LTC4S: variants seen among roughly 807,000 people sequenced by gnomAD.
The protein encoded by LTC4S is leukotriene C4 synthase, also known as LTC4 synthase.
In LTC4S, 18 loss-of-function variants were observed where a neutral mutation model predicts 19.6. That is an observed-to-expected ratio of 0.92 (90% CI 0.64 to 1.36). LTC4S has a LOEUF of 1.36. Ranked by LOEUF, LTC4S falls within the 40% of genes most tolerant of loss-of-function variation. The pLI, the probability that LTC4S is intolerant of heterozygous loss-of-function variation, is 0.00. For missense variants in LTC4S, 235 were observed against 212.2 expected (o/e 1.11, Z -0.67); for synonymous variants, 126 against 110.1 (o/e 1.14, Z -0.91).
Position 179,794,192 on chromosome 5 carries a change from C to T in LTC4S, c.58+54C>T, listed in dbSNP as rs1756542091. ...TGGGCCTTAGATCCCTACAGCTTGC[C>T]CTCTGCCCCCTAGGCCCAGGTGGAG... On this transcript the variant is annotated intron_variant, in intron 1 of 4. Coordinates refer to ENST00000292596, the MANE Select transcript of LTC4S (RefSeq NM_145867.2). 1.2e-6 allele frequency: 2 copies of T among 1,607,522 alleles called. 1 individual carries two copies. The highest frequency in any genetic ancestry group is 2.7e-5 in the African/African-American group (2 of 74,768).
rs765145315 is a variant in LTC4S, at chr5:179,795,887, G to A, written c.229+31G>A. On this transcript the variant is annotated intron_variant, in intron 3 of 4. Coordinates refer to ENST00000292596, the MANE Select transcript of LTC4S (RefSeq NM_145867.2). ...GGTGTGGGGCAGGGGCGCACGCGCT[G>A]GACCCCCGGGACCCGCGCAGGGCGC... The A allele has an allele frequency of 1.6e-5, 25 of 1,595,488 alleles. No homozygotes were observed. The South Asian group carries it at 2.2e-4, about 14-fold the overall frequency.
At position 179,795,974 on chromosome 5, in the gene LTC4S, TCGCGCGCCTCCGCTACTTCCAGGGCTA is replaced by T. The variant is rs1756603982; in HGVS notation, c.271_297del (p.Leu91_Arg99del). The T allele has an allele frequency of 1.3e-6, 2 of 1,543,464 alleles. No individual in the cohort carries two copies. The highest frequency in any genetic ancestry group is 1.9e-5 in the Admixed American group (1 of 52,504). ...GCCCTGTGCGGCCTGGTCTACCTGT[TCGCGCGCCTCCGCTACTTCCAGGGCTA>T]CGCGCGCTCCGCGCAGCTCAGGTGA... is the stretch of plus-strand genomic sequence containing the variant. On this transcript the variant is annotated inframe_deletion, in exon 4 of 5. Transcript: ENST00000292596.
Position 179,795,582 on chromosome 5 carries a change from AGCCTACTTCTCCCT to A in LTC4S, c.60_73del (p.Tyr21GlyfsTer51), listed in dbSNP as rs1289011391. On this transcript the variant is annotated splice_acceptor_variant and coding_sequence_variant, in exon 2 of 5. Coordinates refer to ENST00000292596, the MANE Select transcript of LTC4S (RefSeq NM_145867.2). LOFTEE classifies it high-confidence loss of function. ...TGACTCCCGCTCCCCCTCCTCCCCC[AGCCTACTTCTCCCT>A]GCAGGTGATCTCGGCGCGCAGGGCC... The A allele has an allele frequency of 6.2e-7, 1 of 1,607,896 alleles. No homozygotes were observed. Among genetic ancestry groups the A allele is most frequent in the African/African-American group, 1.3e-5 (1 of 74,682 alleles).
At chr5:179,795,894 C>T (rs754523169) in intron 3 of LTC4S, 38 bp downstream of exon 3, 1 of 1,594,134 alleles carries the variant, frequency 6.3e-7, no homozygotes, top group Non-Finnish European at 8.5e-7. Flanking sequence ...GCTGGACCCC[C>T]GGGACCCGCG....
chr5:179,795,984 C>G lies in LTC4S; in HGVS notation c.273C>G (p.Leu91=), dbSNP rs13163304. The G allele has an allele frequency of 1.9e-6, 3 of 1,540,404 alleles. No homozygotes were observed. Among genetic ancestry groups the G allele is most frequent in the East Asian group, 4.8e-5 (2 of 41,334 alleles). ...LCGLVYLFAR[L]RYFQGYARSA... ...GCCTGGTCTACCTGTTCGCGCGCCTCCGCTACTTCCAGGGCTACGCGCGCT... is the reference window on the plus strand; with the variant it reads ...GCCTGGTCTACCTGTTCGCGCGCCTGCGCTACTTCCAGGGCTACGCGCGCT... The change falls in exon 4 of 5, where the codon CTC becomes CTG. Residue 91 remains leucine, a synonymous_variant. Coordinates refer to ENST00000292596, the MANE Select transcript of LTC4S (RefSeq NM_145867.2).
intron 2 of LTC4S, 38 bp from the exon 3 acceptor site, chr5:179,795,748 A>T (rs757983312): frequency 1.9e-6 from 3 of 1,567,302 alleles, no homozygotes. Flanking sequence ...TCGCAGGACC[A>T]TCCCGGCCGG....
rs779203042 is a variant in LTC4S, at chr5:179,795,852, T to C, written c.225T>C (p.His75=). 26 of 1,606,170 alleles carry C rather than the reference T, an allele frequency of 1.6e-5. No individual in the cohort carries two copies. The highest frequency in any genetic ancestry group is 2.0e-5 in the Non-Finnish European group (24 of 1,178,100). Residue 75 remains histidine, a synonymous_variant, in exon 3 of 5, where the codon CAT becomes CAC. Coordinates refer to ENST00000292596, the MANE Select transcript of LTC4S (RefSeq NM_145867.2). The stretch of plus-strand genomic sequence containing the variant: ...TCTGGGTCGCCGGCATCTTCTTTCA[T>C]GAAGGTCGGGGTGTGGGGCAGGGGC... ...ATLWVAGIFF[H]EGAAALCGLV...
chr5:179,795,052 A>G (rs915683216), intron 1 of LTC4S, among the ~76,000 whole-genome samples: 2 of 152,174 alleles, frequency 1.3e-5, no homozygotes, highest in African/African-American at 2.4e-5. Context: ...ACAGGGACGC[A>G]GGCTTTAGTG....
Position 179,795,565 on chromosome 5 carries a change from G to A in LTC4S, c.59-19G>A. On this transcript the variant is annotated intron_variant, in intron 1 of 4. Coordinates refer to ENST00000292596, the MANE Select transcript of LTC4S (RefSeq NM_145867.2). ...CTTCGGGTGTCCAGACCTGACTCCCGCTCCCCCTCCTCCCCCAGCCTACTT... is the reference window on the plus strand; with the variant it reads ...CTTCGGGTGTCCAGACCTGACTCCCACTCCCCCTCCTCCCCCAGCCTACTT... 1 of 1,599,338 alleles carries A rather than the reference G, an allele frequency of 6.3e-7. No homozygotes were observed. The highest frequency in any genetic ancestry group is 8.5e-7 in the Non-Finnish European group (1 of 1,173,328).
chr5:179,795,986 G>A lies in LTC4S; in HGVS notation c.275G>A (p.Arg92His). 1 of 1,539,378 alleles carries A rather than the reference G, an allele frequency of 6.5e-7. No homozygotes were observed. Among genetic ancestry groups the A allele is most frequent in the Non-Finnish European group, 8.7e-7 (1 of 1,148,868 alleles). The change falls in exon 4 of 5, where the codon CGC becomes CAC. Residue 92 changes from arginine to histidine, a missense_variant. Physicochemically the swap from Arg to His is conservative, Grantham distance 29. Transcript: ENST00000292596. Reference sequence around the variant, plus strand: ...CTGGTCTACCTGTTCGCGCGCCTCCGCTACTTCCAGGGCTACGCGCGCTCC... The same window carrying A: ...CTGGTCTACCTGTTCGCGCGCCTCCACTACTTCCAGGGCTACGCGCGCTCC... The part of the protein sequence containing the change: ...CGLVYLFARL[R>H]YFQGYARSAQ...
At chr5:179,794,890 C>T (rs963957338) in intron 1 of LTC4S, among the ~76,000 whole-genome samples, 1 of 152,190 alleles carries the variant, frequency 6.6e-6, no homozygotes, top group Non-Finnish European at 1.5e-5. Flanking sequence ...ACTTTAGGGC[C>T]AGCCCACCCT....
Position 179,794,086 on chromosome 5 carries a change from G to A in LTC4S, c.6G>A (p.Lys2=), listed in dbSNP as rs1401787943. M[K]DEVALLAAVT... is the part of the protein sequence containing the mutation. ...GCCACCACACCGACGGTACCATGAAGGACGAGGTAGCTCTACTGGCTGCTG... is the reference window on the plus strand; with the variant it reads ...GCCACCACACCGACGGTACCATGAAAGACGAGGTAGCTCTACTGGCTGCTG... Residue 2 remains lysine (K), a synonymous_variant, in exon 1 of 5, where the codon AAG becomes AAA. Coordinates refer to ENST00000292596, the MANE Select transcript of LTC4S (RefSeq NM_145867.2). 2 of 1,613,740 alleles carry A rather than the reference G, an allele frequency of 1.2e-6. No homozygotes were observed. The highest frequency in any genetic ancestry group is 1.7e-6 in the Non-Finnish European group (2 of 1,179,976).
chr5:179,796,389 G>T lies in LTC4S; in HGVS notation c.448G>T (p.Ala150Ser). 1 of 1,495,834 alleles carries T rather than the reference G, an allele frequency of 6.7e-7. No individual in the cohort carries two copies. Among genetic ancestry groups the T allele is most frequent in the Non-Finnish European group, 8.9e-7 (1 of 1,129,452 alleles). 92.7% of individuals were successfully genotyped at this position (1,495,834 alleles called of 1,614,324 possible). The change falls in exon 5 of 5, where the codon GCC becomes TCC. Residue 150 changes from alanine to serine, a missense_variant. Ala to Ser is a moderately conservative substitution (Grantham distance 99, BLOSUM62 1). Coordinates refer to ENST00000292596, the MANE Select transcript of LTC4S (RefSeq NM_145867.2). ...LGRLRTLLPW[A>S] ...ACGGCTCCGGACGCTGCTGCCGTGG[G>T]CCTGAGACCAAGGCCCCCGGGCCGA...
Position 179,796,211 on chromosome 5 carries a change from C to G in LTC4S, c.312-42C>G, listed in dbSNP as rs956787126. On this transcript the variant is annotated intron_variant, in intron 4 of 4. Transcript: ENST00000292596. Reference sequence around the variant, plus strand: ...GGCCAGGGTTGCGGCGGGGAAGAAGCGGGCCTCCTCGCGCCACCTCCCCGC... The same window carrying G: ...GGCCAGGGTTGCGGCGGGGAAGAAGGGGGCCTCCTCGCGCCACCTCCCCGC... 22 of 1,378,964 alleles carry G rather than the reference C, an allele frequency of 1.6e-5. No individual in the cohort carries two copies. In the Admixed American group the frequency reaches 2.2e-4, roughly 14 times the overall value. The allele number at this position is 1,378,964 out of a possible 1,614,324, so 85.4% of individuals were successfully genotyped here.
chr5:179,795,709 G>A lies in LTC4S; in HGVS notation c.158+26G>A, dbSNP rs759627589. ...GTGAGGCGCGGCGGGAGGGCGCGGG[G>A]CGGGGAGCGAGCCCCAGGCGGGTCC... On this transcript the variant is annotated intron_variant, in intron 2 of 4. Transcript: ENST00000292596. The A allele has an allele frequency of 7.6e-5, 119 of 1,572,438 alleles. No homozygotes were observed. In the Admixed American group the frequency reaches 2.1e-3, roughly 28 times the overall value.
intron 2 of LTC4S, 42 bp downstream of exon 2, chr5:179,795,725 A>T (rs1756582999): frequency 2.6e-6 from 4 of 1,565,076 alleles, no homozygotes; most frequent in Middle Eastern, 1.8e-4. Flanking sequence ...AGCGAGCCCC[A>T]GGCGGGTCCG....
rs994932435 is a variant in LTC4S, at chr5:179,796,126, C to A, written c.311+104C>A. The A allele has an allele frequency of 5.5e-6, 7 of 1,283,976 alleles. No homozygotes were observed. The African/African-American group carries it at 1.1e-4, about 20-fold the overall frequency. 79.5% of individuals were successfully genotyped at this position (1,283,976 alleles called of 1,614,324 possible). On this transcript the variant is annotated intron_variant, in intron 4 of 4. Coordinates refer to ENST00000292596, the MANE Select transcript of LTC4S (RefSeq NM_145867.2). ...CTGGGGGCGGGCGACGGGCCGGAGCCCAGCGCCTTTGGGGATTCGGTGGGC... is the reference window on the plus strand; with the variant it reads ...CTGGGGGCGGGCGACGGGCCGGAGCACAGCGCCTTTGGGGATTCGGTGGGC...
chr5:179,796,204 G>A, intron 4 of LTC4S, 49 bp from the exon 5 acceptor site: 2 of 1,372,832 alleles, frequency 1.5e-6, no homozygotes, highest in Non-Finnish European at 1.9e-6. Context: ...TTGCGGCGGG[G>A]AAGAAGCGGG....
In LTC4S at chr5:179,795,688, GGCGCGGCGGGAGGGC is replaced by G. The variant is rs1562598241; in HGVS notation, c.158+9_158+23del. ...CGAGCGCGTCTACCGAGCCCAGTGAGGCGCGGCGGGAGGGCGCGGGGCGGGGAGCGAGCCCCAGGC... is the reference window on the plus strand; with the variant it reads ...CGAGCGCGTCTACCGAGCCCAGTGAGGCGGGGCGGGGAGCGAGCCCCAGGC... On this transcript the variant is annotated splice_donor_region_variant and intron_variant, in intron 2 of 4. Transcript: ENST00000292596. 4 of 1,592,526 alleles carry G rather than the reference GGCGCGGCGGGAGGGC, an allele frequency of 2.5e-6. No individual in the cohort carries two copies. Among genetic ancestry groups the G allele is most frequent in the Non-Finnish European group, 3.4e-6 (4 of 1,171,602 alleles).
Sources: allele counts gnomAD v4.1 joint callset (sites outside exome capture counted in the v4.1 genomes callset), GRCh38; gene constraint gnomAD v4.1.1; transcripts MANE v1.5; gene names NCBI Gene and HGNC (gene_info 2026-07-23, HGNC 2026-07-21).